EPSTI1: variants seen among roughly 807,000 people sequenced by gnomAD.
EPSTI1 encodes epithelial-stromal interaction protein 1.
Under a neutral mutation model 49.9 loss-of-function variants are expected in EPSTI1, and 66 were observed. That is an observed-to-expected ratio of 1.32 (90% CI 1.08 to 1.62). The LOEUF (loss-of-function observed/expected upper bound fraction) is 1.62. Among genes scored for constraint, EPSTI1 ranks in the 40% most tolerant of loss-of-function variants. The pLI is 0.00. For missense variants in EPSTI1, 394 were observed against 365.5 expected, an observed-to-expected ratio of 1.08 and a Z score of -0.64; for synonymous variants, 137 against 130.7, an observed-to-expected ratio of 1.05 and a Z score of -0.33.
rs879849569 is a variant in EPSTI1 at position 42,947,493 on chromosome 13, C to A, written c.563+6455G>T. 3.9e-5 allele frequency among the ~76,000 whole-genome samples: 6 copies of A among 152,284 alleles called. 1 individual carries two copies. In the Middle Eastern group the frequency reaches 0.01, roughly 259 times the overall value. On this transcript the variant is annotated intron_variant, in intron 6 of 10. Transcript: ENST00000313624. ...ACTGAACAATTGTGGACATGTCATC[C>A]CTGATGTCACTTCCAGAGGTGGTCT...
At chr13:42,903,504 T>C (rs953306782) in intron 8 of EPSTI1, among the ~76,000 whole-genome samples, 17 of 152,208 alleles carry the variant, frequency 1.1e-4, no homozygotes, top group African/African-American at 2.2e-4. Flanking sequence ...CCATGGCACA[T>C]GTTTACCTAT....
chr13:42,989,814 C>T (rs2040161880), intron 1 of EPSTI1, among the ~76,000 whole-genome samples: 1 of 151,614 alleles, frequency 6.6e-6, no homozygotes, highest in Admixed American at 6.6e-5. Context: ...AGGATGGTCT[C>T]CATCTCCTGA....
chr13:42,889,275 T>TTATTG (rs773075052), intron 10 of EPSTI1: 1 of 1,273,290 alleles, frequency 7.9e-7, no homozygotes, highest in Non-Finnish European at 1.1e-6. Context: ...TTTTTACATA[T>TTATTG]AAAAGCAATT....
intron 1 of EPSTI1, among the ~76,000 whole-genome samples, chr13:42,988,270 G>T (rs750715920): frequency 2.0e-5 from 3 of 152,156 alleles, no homozygotes; most frequent in African/African-American, 7.2e-5. Flanking sequence ...TAAAAGGAAG[G>T]ATAAAGGTTT....
At chr13:42,942,753 A>G (rs899563394) in intron 6 of EPSTI1, among the ~76,000 whole-genome samples, 3 of 141,780 alleles carry the variant, frequency 2.1e-5, no homozygotes, top group African/African-American at 7.9e-5. Flanking sequence ...CAGTGGCGCA[A>G]TCTCGGCTCA....
chr13:42,947,899 A>G (rs2038966980), intron 6 of EPSTI1, among the ~76,000 whole-genome samples: 1 of 152,194 alleles, frequency 6.6e-6, no homozygotes, highest in Non-Finnish European at 1.5e-5. Context: ...CACCTTCTGG[A>G]CCGTTAAGGC....
intron 1 of EPSTI1, among the ~76,000 whole-genome samples, chr13:42,974,542 C>G (rs9567082): frequency 0.33 from 50,241 of 151,302 alleles, 8,423 homozygotes; most frequent in Middle Eastern, 0.5. Flanking sequence ...GCCTATAGTT[C>G]CAGCTACTTG....
chr13:42,934,870 AGAGAAAGAAGAAACAAGAATGG>A, intron 6 of EPSTI1: 1 of 68,538 alleles, frequency 1.5e-5, no homozygotes, highest in Non-Finnish European at 4.6e-5. Context: ...CCAAATAATG[AGAGAAAGAAGAAACAAGAATGG>A]AAGAAGTGTC....
chr13:42,977,414 T>C (rs1036261908), intron 1 of EPSTI1, among the ~76,000 whole-genome samples: 1 of 152,192 alleles, frequency 6.6e-6, no homozygotes, highest in Non-Finnish European at 1.5e-5. Context: ...GGTAAAATTA[T>C]GTGATTAAGT....
At chr13:42,975,748 T>C (rs1431638712) in intron 1 of EPSTI1, among the ~76,000 whole-genome samples, 1 of 152,042 alleles carries the variant, frequency 6.6e-6, no homozygotes, top group Non-Finnish European at 1.5e-5. Context: ...TGCACAACCA[T>C]ATAGAATCGA....
rs1295404917 is a variant in EPSTI1 at position 42,922,365 on chromosome 13, C to T, written c.657+3971G>A. 6.6e-6 allele frequency among the ~76,000 whole-genome samples: 1 copy of T among 151,982 alleles called. No homozygotes were observed. The highest frequency in any genetic ancestry group is 1.5e-5 in the Non-Finnish European group (1 of 68,006). On this transcript the variant is annotated intron_variant, in intron 7 of 10. Transcript: ENST00000313624. The surrounding 1 kb of genome is among the most constrained non-coding windows in gnomAD (Gnocchi z 4.8). ...TTAGCCTGGATAGTCCAGGTGGGCC[C>T]ATTGTAATCAAAAGGGTCATTATAA...
chr13:42,970,696 T>G (rs368785159), intron 1 of EPSTI1, 26 bp from the exon 2 acceptor site: 1 of 1,588,784 alleles, frequency 6.3e-7, no homozygotes, highest in African/African-American at 1.4e-5. Context: ...AAAAAAATGC[T>G]TATTACCATG....
At chr13:42,969,799 G>T (rs974365147) in intron 2 of EPSTI1, 2 of 152,334 alleles carry the variant, frequency 1.3e-5, no homozygotes, top group African/African-American at 2.4e-5. Context: ...TGTCACTCCA[G>T]CGCCTCCCCT....
intron 6 of EPSTI1, among the ~76,000 whole-genome samples, chr13:42,929,198 G>A (rs1439386954): frequency 6.6e-6 from 1 of 152,172 alleles, no homozygotes. Context: ...CTGAAGTTAA[G>A]CCTTGTTCCA....
chr13:42,919,388 C>A, intron 7 of EPSTI1: 1 of 1,505,454 alleles, frequency 6.6e-7, no homozygotes, highest in Non-Finnish European at 9.2e-7. Flanking sequence ...TAGCTCTAAA[C>A]ACCAGAAATT....
intron 6 of EPSTI1, among the ~76,000 whole-genome samples, chr13:42,940,994 TATTTTTTCCTAG>T (rs2038734166): frequency 6.6e-6 from 1 of 152,212 alleles, no homozygotes; most frequent in African/African-American, 2.4e-5. Context: ...TTGAGGCAAA[TATTTTTTCCTAG>T]ATTATTATTT....
intron 4 of EPSTI1, chr13:42,963,595 T>C (rs2039522350): frequency 3.9e-6 from 2 of 508,614 alleles, no homozygotes; most frequent in Non-Finnish European, 3.5e-6. Flanking sequence ...TATCTCTGTC[T>C]CTCTCTGTGT....
chr13:42,955,998 C>A (rs2039258898), intron 5 of EPSTI1, among the ~76,000 whole-genome samples: 1 of 152,002 alleles, frequency 6.6e-6, no homozygotes, highest in South Asian at 2.1e-4. Context: ...GGGAATACAG[C>A]TACGAACAGA....
At chr13:42,923,013 C>T (rs1427371285) in intron 7 of EPSTI1, among the ~76,000 whole-genome samples, 2 of 152,224 alleles carry the variant, frequency 1.3e-5, no homozygotes, top group East Asian at 1.9e-4. Flanking sequence ...CTTCCCCTCA[C>T]CCCTTTGCAG....
Sources: gnomAD v4.1 joint callset for allele counts (sites outside exome capture counted in the v4.1 genomes callset) on GRCh38, gnomAD v4.1.1 for gene constraint, Gnocchi (gnomAD v3.1) non-coding constraint, MANE v1.5 for transcripts, NCBI Gene and HGNC (gene_info 2026-07-23, HGNC 2026-07-21) for gene names.